Variants in ASTN2 observed in about 807,000 individuals in gnomAD.
The protein encoded by ASTN2 is astrotactin 2.
Under a neutral mutation model 139.8 loss-of-function variants are expected in ASTN2, and 54 were observed. The observed-to-expected ratio is 0.39, with a 90% CI of 0.31 to 0.48. ASTN2 has a LOEUF of 0.48. Ranked by LOEUF, ASTN2 falls within the 20% of genes least tolerant of loss-of-function variation. The pLI is 0.95. For missense variants in ASTN2, 1,565 were observed against 1,725.1 expected, an observed-to-expected ratio of 0.91 and a Z score of 1.64; for synonymous variants, 756 against 719.5, an observed-to-expected ratio of 1.05 and a Z score of -0.81.
At chr9:117,120,732 A>G (rs1829537585) in intron 4 of ASTN2, among the ~76,000 whole-genome samples, 1 of 152,190 alleles carries the variant, frequency 6.6e-6, no homozygotes, top group Non-Finnish European at 1.5e-5. Context: ...TGGGGAAGGC[A>G]AGTGGAGACA....
intron 19 of ASTN2, among the ~76,000 whole-genome samples, chr9:116,543,320 C>T (rs916347147): frequency 2.6e-5 from 4 of 151,576 alleles, no homozygotes; most frequent in Non-Finnish European, 5.9e-5. Flanking sequence ...GACTGCCGTC[C>T]CAGCTATTCT....
intron 11 of ASTN2, among the ~76,000 whole-genome samples, chr9:116,841,994 C>T (rs1832276091): frequency 6.6e-6 from 1 of 152,168 alleles, no homozygotes; most frequent in Non-Finnish European, 1.5e-5. Flanking sequence ...TCTGACTGAG[C>T]CCACCACTGA....
At chr9:116,502,035 G>A (rs56920734) in intron 19 of ASTN2, among the ~76,000 whole-genome samples, 3,914 of 152,086 alleles carry the variant, frequency 0.026, 146 homozygotes, top group African/African-American at 0.081. Flanking sequence ...AAGCAAAGAT[G>A]AGTCAGGTTT....
At chr9:117,282,797 G>A (rs1464667595) in intron 2 of ASTN2, among the ~76,000 whole-genome samples, 1 of 148,242 alleles carries the variant, frequency 6.7e-6, no homozygotes, top group Non-Finnish European at 1.5e-5. Flanking sequence ...AGCCTGCAGT[G>A]ACTGCAGCTG....
chr9:116,926,905 G>A (rs1450702929), intron 10 of ASTN2, among the ~76,000 whole-genome samples: 1 of 151,950 alleles, frequency 6.6e-6, no homozygotes. Context: ...GAGGGAGAGG[G>A]CCATCAGGAG....
At chr9:117,038,003 T>C (rs113024622) in intron 6 of ASTN2, among the ~76,000 whole-genome samples, 36 of 152,116 alleles carry the variant, frequency 2.4e-4, no homozygotes, top group Non-Finnish European at 5.1e-4. Flanking sequence ...GGTCTGAAAA[T>C]CAACTGAATG....
chr9:117,321,142 T>C (rs553256954), intron 1 of ASTN2, among the ~76,000 whole-genome samples: 37 of 152,156 alleles, frequency 2.4e-4, no homozygotes, highest in Non-Finnish European at 2.1e-4. Context: ...CCTAAATTCA[T>C]AGGAAGGCAA....
intron 19 of ASTN2, among the ~76,000 whole-genome samples, chr9:116,504,701 A>T (rs1380910918): frequency 6.6e-6 from 1 of 152,054 alleles, no homozygotes; most frequent in Non-Finnish European, 1.5e-5. Context: ...ACAATATGCC[A>T]GCCTGGGCGA....
rs751757854 is a variant in ASTN2 at position 116,699,189 on chromosome 9, T to C, written c.2806+26582A>G. 1.2e-6 allele frequency: 2 copies of C among 1,614,224 alleles called. No homozygotes were observed. The highest frequency in any genetic ancestry group is 3.3e-5 in the Admixed American group (2 of 60,030). Reference sequence around the variant, plus strand: ...TATCACAGCCTTGCCATCTGGCCAGTTTGTAGTAACCGATGTGGAAGGTGG... The same window carrying C: ...TATCACAGCCTTGCCATCTGGCCAGCTTGTAGTAACCGATGTGGAAGGTGG... On this transcript the variant is annotated intron_variant, in intron 16 of 22. Coordinates refer to ENST00000313400, the MANE Select transcript of ASTN2 (RefSeq NM_001365068.1). The surrounding 1 kb of genome is among the most constrained non-coding windows in gnomAD (Gnocchi z 4.2).
chr9:117,138,302 C>T (rs889069600), intron 4 of ASTN2, among the ~76,000 whole-genome samples: 1 of 152,008 alleles, frequency 6.6e-6, no homozygotes, highest in Admixed American at 6.6e-5. Context: ...TAGGAGCTGA[C>T]ATTTGAAAGG....
chr9:116,625,194 G>T (rs1856382154), intron 17 of ASTN2, among the ~76,000 whole-genome samples: 2 of 152,142 alleles, frequency 1.3e-5, no homozygotes, highest in Non-Finnish European at 2.9e-5. Flanking sequence ...ACTTTGGAAG[G>T]CCGAGGCGGG....
intron 2 of ASTN2, among the ~76,000 whole-genome samples, chr9:117,224,991 G>A (rs1329324763): frequency 6.6e-6 from 1 of 152,122 alleles, no homozygotes; most frequent in African/African-American, 2.4e-5. Flanking sequence ...TGTTTTCCCA[G>A]GATCCAGCTC....
At chr9:117,401,656 G>A (rs1398228713) in intron 1 of ASTN2, among the ~76,000 whole-genome samples, 1 of 152,112 alleles carries the variant, frequency 6.6e-6, no homozygotes, top group African/African-American at 2.4e-5. Context: ...TTTAAGCTTT[G>A]CAGGCTAGAC....
chr9:116,495,537 G>T (rs1033690766), intron 19 of ASTN2, among the ~76,000 whole-genome samples: 3 of 152,124 alleles, frequency 2.0e-5, no homozygotes, highest in Non-Finnish European at 2.9e-5. Flanking sequence ...CTACCCTTGG[G>T]TATTTCAGAT....
At chr9:117,043,450 C>G (rs776798926) in intron 5 of ASTN2, among the ~76,000 whole-genome samples, 10 of 152,134 alleles carry the variant, frequency 6.6e-5, no homozygotes, top group Non-Finnish European at 1.3e-4. Context: ...AATTAACAAA[C>G]TACCAGAAAT....
At chr9:116,805,443 C>T (rs1050317413) in intron 13 of ASTN2, among the ~76,000 whole-genome samples, 189 bp downstream of exon 13, 1 of 151,976 alleles carries the variant, frequency 6.6e-6, no homozygotes, top group Admixed American at 6.6e-5. Context: ...TATGCTAGGA[C>T]CATGAAAAAG....
rs564419178 is a variant in ASTN2, at chr9:117,164,938, C to T, written c.1016-23460G>A. On this transcript the variant is annotated intron_variant, in intron 3 of 22. Coordinates refer to ENST00000313400, the MANE Select transcript of ASTN2 (RefSeq NM_001365068.1). The stretch of plus-strand genomic sequence containing the variant: ...CCCAATAACCTGATGAGATAAATAA[C>T]TTCTTATTATGGCCATTTTACAGTT... Among the ~76,000 whole-genome samples the T allele has an allele frequency of 9.9e-5, 15 of 152,144 alleles. No homozygotes were observed. The South Asian group carries it at 3.1e-3, about 32-fold the overall frequency.
At chr9:116,529,849 T>G (rs1564345425) in intron 19 of ASTN2, among the ~76,000 whole-genome samples, 5 of 152,046 alleles carry the variant, frequency 3.3e-5, no homozygotes, top group Non-Finnish European at 7.4e-5. Context: ...TTTGTAAGTT[T>G]CCTGAGGCCT....
At chr9:117,188,843 G>T (rs1017537111) in intron 3 of ASTN2, among the ~76,000 whole-genome samples, 4 of 152,140 alleles carry the variant, frequency 2.6e-5, no homozygotes, top group African/African-American at 9.7e-5. Flanking sequence ...AGTCCCATGG[G>T]AGCCAGGTAC....
Sources: gnomAD v4.1 joint callset for allele counts (sites outside exome capture counted in the v4.1 genomes callset) on GRCh38, gnomAD v4.1.1 for gene constraint, Gnocchi (gnomAD v3.1) non-coding constraint, MANE v1.5 for transcripts, NCBI Gene and HGNC (gene_info 2026-07-23, HGNC 2026-07-21) for gene names.